Variants in TEX22 observed in about 807,000 individuals in gnomAD.
TEX22 encodes testis expressed 22, also known as testis-expressed protein 22.
Under a neutral mutation model 11.3 loss-of-function variants are expected in TEX22, and 16 were observed. That is an observed-to-expected ratio of 1.42 (90% CI 0.96 to 2.15). The LOEUF is 2.15. Ranked by LOEUF, TEX22 falls within the 30% of genes most tolerant of loss-of-function variation. The probability of loss-of-function intolerance (pLI) is 0.00; values close to 1 mark genes in which losing one functional copy is unlikely to be tolerated. For missense variants in TEX22, 220 were observed against 208.6 expected, an observed-to-expected ratio of 1.05 and a Z score of -0.34; for synonymous variants, 97 against 92.3, an observed-to-expected ratio of 1.05 and a Z score of -0.29.
chr14:105,407,408 G>A (rs145865958), intron 2 of TEX22, among the ~76,000 whole-genome samples: 1 of 151,622 alleles, frequency 6.6e-6, no homozygotes, highest in Non-Finnish European at 1.5e-5. Flanking sequence ...TCACTTTGTT[G>A]TCTAGGCTAG....
At chr14:105,403,022 G>A (rs1241680900) in intron 2 of TEX22, among the ~76,000 whole-genome samples, 7 of 152,106 alleles carry the variant, frequency 4.6e-5, no homozygotes, top group South Asian at 2.1e-4. Flanking sequence ...AGTTTGAGGC[G>A]AGCTGCAGAG....
rs1157186257 is a variant in TEX22 at position 105,406,820 on chromosome 14, TCAC to T, written c.151-4545_151-4543del. 7.9e-5 allele frequency among the ~76,000 whole-genome samples: 12 copies of T among 152,320 alleles called. No homozygotes were observed. In the East Asian group the frequency reaches 2.3e-3, roughly 29 times the overall value. On this transcript the variant is annotated intron_variant, in intron 2 of 3. Coordinates refer to ENST00000451127, the MANE Select transcript of TEX22 (RefSeq NM_001195082.2). ...TCAAAGAGCCCATTGTGATCATTAT[TCAC>T]CATTTTTAAATTTTAATTTAGTCAT...
intron 2 of TEX22, among the ~76,000 whole-genome samples, chr14:105,401,261 C>T (rs1221888586): frequency 2.6e-5 from 4 of 152,012 alleles, no homozygotes; most frequent in African/African-American, 4.8e-5. Context: ...AGATTGTAAC[C>T]CAAGGACAAA....
At chr14:105,406,677 T>TAA (rs782639591) in intron 2 of TEX22, among the ~76,000 whole-genome samples, 16 of 129,380 alleles carry the variant, frequency 1.2e-4, no homozygotes, top group African/African-American at 4.2e-4. Context: ...TTGCAGTTCC[T>TAA]AAAAAAAAAA....
intron 2 of TEX22, among the ~76,000 whole-genome samples, chr14:105,400,208 C>G (rs1239294268): frequency 6.6e-6 from 1 of 152,196 alleles, no homozygotes; most frequent in African/African-American, 2.4e-5. Context: ...GCTGGTCATG[C>G]GGCCAGTTCA....
In TEX22 at chr14:105,407,285, C is replaced by G. The variant is rs587679158; in HGVS notation, c.151-4083C>G. 1.5e-4 allele frequency among the ~76,000 whole-genome samples: 23 copies of G among 152,166 alleles called. No homozygotes were observed. In the East Asian group the frequency reaches 2.3e-3, roughly 15 times the overall value. On this transcript the variant is annotated intron_variant, in intron 2 of 3. Coordinates refer to ENST00000451127, the MANE Select transcript of TEX22 (RefSeq NM_001195082.2). ...GTTTCATCATGTTGCTCAGGCTGGT[C>G]TCGAACTCCTGAGCTCAGGCCATTC... is the stretch of plus-strand genomic sequence containing the variant.
rs1215007398 is a variant in TEX22, at chr14:105,412,545, T to A, written c.*712T>A. On this transcript the variant is annotated 3_prime_UTR_variant, in exon 4 of 4. Transcript: ENST00000451127. This position sits in a 1 kb window ranked among gnomAD's most constrained non-coding sequence, Gnocchi z 5.8. Reference sequence around the variant, plus strand: ...CAGGGGCCTGTGGGACATGGTCCACTGGGTGACTGCCTCGTTTCCAGGCTG... The same window carrying A: ...CAGGGGCCTGTGGGACATGGTCCACAGGGTGACTGCCTCGTTTCCAGGCTG... 1 of 152,354 alleles carries A rather than the reference T, an allele frequency of 6.6e-6. No individual in the cohort carries two copies. Among genetic ancestry groups the A allele is most frequent in the Non-Finnish European group, 1.5e-5 (1 of 68,192 alleles). The allele number at this position is 152,354 out of a possible 1,614,324, so 9.4% of individuals were successfully genotyped here. A position where few individuals can be genotyped will look rare whatever the true frequency, so the allele number is the denominator to read the frequency against.
chr14:105,406,998 C>T (rs587599239), intron 2 of TEX22, among the ~76,000 whole-genome samples: 8 of 152,210 alleles, frequency 5.3e-5, no homozygotes, highest in South Asian at 4.1e-4. Context: ...CAGCTTTGAC[C>T]ATACCTCACG....
At chr14:105,405,067 C>T (rs2141358729) in intron 2 of TEX22, among the ~76,000 whole-genome samples, 1 of 152,106 alleles carries the variant, frequency 6.6e-6, no homozygotes, top group African/African-American at 2.4e-5. Flanking sequence ...CTTTGGGAGG[C>T]CTAGGTGGGA....
chr14:105,410,325 C>A (rs1434523464), intron 2 of TEX22, among the ~76,000 whole-genome samples: 6 of 152,224 alleles, frequency 3.9e-5, no homozygotes, highest in African/African-American at 1.4e-4. Flanking sequence ...GATCTACTCG[C>A]CTCGGCCTCC....
chr14:105,399,024 G>A lies in TEX22; in HGVS notation c.-39-278G>A, dbSNP rs587631337. Among the ~76,000 whole-genome samples the A allele has an allele frequency of 1.8e-3, 267 of 152,386 alleles. 2 individuals carry two copies. Among genetic ancestry groups the A allele is most frequent in the African/African-American group, 6.2e-3 (258 of 41,598 alleles). On this transcript the variant is annotated intron_variant, in intron 1 of 3. Coordinates refer to ENST00000451127, the MANE Select transcript of TEX22 (RefSeq NM_001195082.2). ...CGTTTGAGAAGGCTGGCAGAGGCGT[G>A]GAGTCCGTGCAGCAGGCTGCCGAAG...
At chr14:105,407,077 T>C (rs2081662355) in intron 2 of TEX22, among the ~76,000 whole-genome samples, 1 of 150,858 alleles carries the variant, frequency 6.6e-6, no homozygotes, top group Non-Finnish European at 1.5e-5. Flanking sequence ...TAATTTTTTT[T>C]TTTTTTTTTT....
chr14:105,402,475 C>G (rs2081632731), intron 2 of TEX22, among the ~76,000 whole-genome samples: 1 of 151,390 alleles, frequency 6.6e-6, no homozygotes, highest in African/African-American at 2.5e-5. Context: ...CTGTTATTGG[C>G]CGGGTGTGGT....
At chr14:105,404,045 G>C (rs748548608) in intron 2 of TEX22, among the ~76,000 whole-genome samples, 15 of 152,210 alleles carry the variant, frequency 9.9e-5, no homozygotes, top group Non-Finnish European at 2.1e-4. Flanking sequence ...TTTTATCTTA[G>C]TTTCCGTAGG....
chr14:105,404,749 T>C (rs978896539), intron 2 of TEX22, among the ~76,000 whole-genome samples: 21 of 151,896 alleles, frequency 1.4e-4, no homozygotes, highest in Non-Finnish European at 2.6e-4. Flanking sequence ...TTTTAAATGA[T>C]AAAAAAGAGA....
Position 105,411,991 on chromosome 14 carries a change from C to T in TEX22, c.*158C>T. The T allele has an allele frequency of 2.9e-6, 2 of 693,126 alleles. No homozygotes were observed. The highest frequency in any genetic ancestry group is 4.4e-6 in the Non-Finnish European group (2 of 453,670). 42.9% of individuals were successfully genotyped at this position (693,126 alleles called of 1,614,324 possible). On this transcript the variant is annotated 3_prime_UTR_variant, in exon 4 of 4. Coordinates refer to ENST00000451127, the MANE Select transcript of TEX22 (RefSeq NM_001195082.2). ...GGACCTGGCTCCGGACAGCCTGCAGCTGCTGAGGCCTTGGAGACCGGGCTA... is the reference window on the plus strand; with the variant it reads ...GGACCTGGCTCCGGACAGCCTGCAGTTGCTGAGGCCTTGGAGACCGGGCTA...
chr14:105,406,617 C>G (rs1487026756), intron 2 of TEX22, among the ~76,000 whole-genome samples: 1 of 150,830 alleles, frequency 6.6e-6, no homozygotes, highest in Non-Finnish European at 1.5e-5. Flanking sequence ...CAGAACAAGA[C>G]CCTGTATCTT....
At chr14:105,399,638 G>A in intron 2 of TEX22, 148 bp downstream of exon 2, 1 of 947,124 alleles carries the variant, frequency 1.1e-6, no homozygotes, top group Non-Finnish European at 1.5e-6. Flanking sequence ...GCTGGACTCA[G>A]GAGGCTCTCT....
rs1208000021 is a variant in TEX22, at chr14:105,412,093, A to G, written c.*260A>G. On this transcript the variant is annotated 3_prime_UTR_variant, in exon 4 of 4. Coordinates refer to ENST00000451127, the MANE Select transcript of TEX22 (RefSeq NM_001195082.2). The surrounding 1 kb of genome is among the most constrained non-coding windows in gnomAD (Gnocchi z 5.8). ...GAGAGGGCCCTGGCAAGGCCTGGGT[A>G]GCAGGAGCTTGCCCTCGGGGCCGCT... The G allele has an allele frequency of 2.8e-6, 1 of 352,980 alleles. No individual in the cohort carries two copies. The highest frequency in any genetic ancestry group is 5.1e-6 in the Non-Finnish European group (1 of 196,212). 21.9% of individuals were successfully genotyped at this position (352,980 alleles called of 1,614,324 possible).
Sources: allele counts gnomAD v4.1 joint callset (sites outside exome capture counted in the v4.1 genomes callset), GRCh38; gene constraint gnomAD v4.1.1; non-coding constraint Gnocchi (gnomAD v3.1); transcripts MANE v1.5; gene names NCBI Gene and HGNC (gene_info 2026-07-23, HGNC 2026-07-21).